TRIM29: variants seen among roughly 807,000 people sequenced by gnomAD.
The protein encoded by TRIM29 is tripartite motif-containing protein 29.
In TRIM29, 52 loss-of-function variants were observed where a neutral mutation model predicts 57.3. The observed-to-expected ratio is 0.91, with a 90% CI of 0.73 to 1.14. The LOEUF (loss-of-function observed/expected upper bound fraction) is 1.14, where lower values mean the gene tolerates loss of function less well. Among genes scored for constraint, TRIM29 ranks in the 50% most tolerant of loss-of-function variants. TRIM29 has a pLI of 0.00. For synonymous variants in TRIM29, 319 were observed against 316.9 expected (o/e 1.01, Z -0.07); for missense variants, 753 against 774.6 (o/e 0.97, Z 0.33).
At chr11:120,118,129 G>A in intron 7 of TRIM29, 94 bp downstream of exon 7, 1 of 1,148,608 alleles carries the variant, frequency 8.7e-7, no homozygotes, top group South Asian at 1.3e-5. Flanking sequence ...CGAGGTGAGG[G>A]AGGAACTAGC....
chr11:120,125,974 G>C (rs921451049), intron 3 of TRIM29, 85 bp from the exon 4 acceptor site: 2 of 1,357,134 alleles, frequency 1.5e-6, no homozygotes. Context: ...TCACAGTGCA[G>C]CTGGGGGTCT....
intron 5 of TRIM29, among the ~76,000 whole-genome samples, chr11:120,122,414 C>G (rs929304075): frequency 3.3e-5 from 5 of 152,156 alleles, no homozygotes; most frequent in Non-Finnish European, 7.4e-5. Context: ...TAGGCCGGCA[C>G]CTTGCAGGCT....
chr11:120,115,552 ACG>A, intron 7 of TRIM29, 138 bp from the exon 8 acceptor site: 1 of 730,770 alleles, frequency 1.4e-6, no homozygotes, highest in Non-Finnish European at 2.2e-6. Context: ...CCGTCTGAAC[ACG>A]CGTGCAGCAG....
In TRIM29 at chr11:120,123,010, C is replaced by G. The variant is rs1258446902; in HGVS notation, c.1379G>C (p.Gly460Ala). ...YVNNYTNSFG[G>A]EWSAPDTMKR... is the part of the protein sequence containing the mutation. ...CATGGTGTCCGGTGCACTCCACTCA[C>G]CCCCGAAGCTGTTCGTGTAGTTGTT... The change falls in exon 5 of 9, where the codon GGT (glycine) becomes GCT (alanine). Residue 460 changes from glycine to alanine, a missense_variant. By Grantham distance (60) the Gly-to-Ala change is moderately conservative (BLOSUM62 0). Coordinates refer to ENST00000341846, the MANE Select transcript of TRIM29 (RefSeq NM_012101.4). 1.9e-6 allele frequency: 3 copies of G among 1,613,988 alleles called. No individual in the cohort carries two copies. The highest frequency in any genetic ancestry group is 1.7e-6 in the Non-Finnish European group (2 of 1,180,012).
intron 3 of TRIM29, 106 bp downstream of exon 3, chr11:120,127,230 C>T (rs527302075): frequency 4.7e-5 from 44 of 935,928 alleles, no homozygotes; most frequent in African/African-American, 2.9e-4. Flanking sequence ...AACAGATAGA[C>T]GAATAGGTGG....
intron 7 of TRIM29, chr11:120,117,709 C>T (rs117616151): frequency 0.014 from 2,386 of 164,990 alleles, 104 homozygotes; most frequent in East Asian, 0.14. Flanking sequence ...CTGGGAGCAC[C>T]ACAGGCAGGC....
At chr11:120,119,595 C>T (rs1434015835) in intron 6 of TRIM29, among the ~76,000 whole-genome samples, 1 of 152,218 alleles carries the variant, frequency 6.6e-6, no homozygotes, top group Non-Finnish European at 1.5e-5. Flanking sequence ...GCGAACAGGA[C>T]AGACACAGCT....
chr11:120,126,581 G>A (rs1408074666), intron 3 of TRIM29, among the ~76,000 whole-genome samples: 1 of 152,096 alleles, frequency 6.6e-6, no homozygotes, highest in African/African-American at 2.4e-5. Context: ...CATGCTCAGT[G>A]CTGCCTTTGC....
rs937282087 is a variant in TRIM29 at position 120,123,015 on chromosome 11, G to A, written c.1374C>T (p.Phe458=). 9 of 1,614,078 alleles carry A rather than the reference G, an allele frequency of 5.6e-6. No homozygotes were observed. Among genetic ancestry groups the A allele is most frequent in the African/African-American group, 2.7e-5 (2 of 75,002 alleles). The change falls in exon 5 of 9, where the codon TTC becomes TTT. Residue 458 remains phenylalanine (F), a synonymous_variant. Transcript: ENST00000341846. ...TGTCCGGTGCACTCCACTCACCCCC[G>A]AAGCTGTTCGTGTAGTTGTTCACAT... ...HRYVNNYTNS[F]GGEWSAPDTM...
In TRIM29 at chr11:120,137,683, G is replaced by A; in HGVS notation, c.349C>T (p.Pro117Ser). ...AGLQLGAAKK[P>S]PVTFAEKGEL... is the part of the protein sequence containing the mutation. ...CCCTTTTCGGCAAAGGTAACGGGTG[G>A]CTTCTTGGCAGCCCCCAGCTGGAGC... Residue 117 changes from proline (P) to serine (S), a missense_variant, in exon 1 of 9, where the codon CCA (proline) becomes TCA (serine). By Grantham distance (74) the Pro-to-Ser change is moderately conservative. Coordinates refer to ENST00000341846, the MANE Select transcript of TRIM29 (RefSeq NM_012101.4). The surrounding 1 kb of genome is among the most constrained non-coding windows in gnomAD (Gnocchi z 6.2). 6.2e-7 allele frequency: 1 copy of A among 1,613,516 alleles called. No homozygotes were observed. Among genetic ancestry groups the A allele is most frequent in the Non-Finnish European group, 8.5e-7 (1 of 1,180,014 alleles).
At chr11:120,128,293 G>T (rs1565319145) in intron 2 of TRIM29, 107 bp downstream of exon 2, 2 of 859,386 alleles carry the variant, frequency 2.3e-6, no homozygotes, top group Non-Finnish European at 3.7e-6. Flanking sequence ...GAAACATATT[G>T]GGATGTCTAC....
At chr11:120,121,881 C>T (rs1863457367) in intron 5 of TRIM29, 1 of 414,722 alleles carries the variant, frequency 2.4e-6, no homozygotes, top group Non-Finnish European at 4.9e-6. Context: ...AGGGCGAGGC[C>T]AGGTAGGGGT....
At chr11:120,126,843 G>T (rs781352956) in intron 3 of TRIM29, among the ~76,000 whole-genome samples, 1 of 152,210 alleles carries the variant, frequency 6.6e-6, no homozygotes, top group Admixed American at 6.5e-5. Flanking sequence ...GCAGTTGCTT[G>T]GAGGCAGAAA....
At chr11:120,118,060 T>C (rs576332128) in intron 7 of TRIM29, 163 bp downstream of exon 7, 1 of 661,416 alleles carries the variant, frequency 1.5e-6, no homozygotes, top group South Asian at 1.8e-5. Flanking sequence ...CCTGCCCTCA[T>C]TTTCAGCAAA....
chr11:120,128,589 G>T, intron 1 of TRIM29, 94 bp from the exon 2 acceptor site: 1 of 1,502,804 alleles, frequency 6.7e-7, no homozygotes, highest in Non-Finnish European at 9.0e-7. Context: ...GGGCACACTC[G>T]CAGCCAGGGC....
intron 1 of TRIM29, among the ~76,000 whole-genome samples, chr11:120,133,945 G>A (rs1565321455): frequency 6.6e-6 from 1 of 152,138 alleles, no homozygotes; most frequent in African/African-American, 2.4e-5. Flanking sequence ...CCATGACAGT[G>A]CAGGGCCCCC....
At chr11:120,116,471 C>G (rs938864063) in intron 7 of TRIM29, 7 of 152,572 alleles carry the variant, frequency 4.6e-5, no homozygotes, top group African/African-American at 1.7e-4. Flanking sequence ...TCCTGCCCTG[C>G]TCTAAGCGAG....
intron 7 of TRIM29, 37 bp from the exon 8 acceptor site, chr11:120,115,451 G>C (rs756661530): frequency 2.8e-5 from 44 of 1,592,740 alleles, no homozygotes; most frequent in Non-Finnish European, 3.7e-5. Context: ...AGGGAGCAGC[G>C]CTGGTGGTCA....
intron 5 of TRIM29, among the ~76,000 whole-genome samples, chr11:120,122,245 C>T (rs1246232652): frequency 1.3e-5 from 2 of 151,916 alleles, no homozygotes; most frequent in African/African-American, 4.8e-5. Flanking sequence ...CCTCCCTCCT[C>T]CCCCAGCCTC....
Sources: allele counts gnomAD v4.1 joint callset (sites outside exome capture counted in the v4.1 genomes callset), GRCh38; gene constraint gnomAD v4.1.1; non-coding constraint Gnocchi (gnomAD v3.1); transcripts MANE v1.5; gene names NCBI Gene and HGNC (gene_info 2026-07-23, HGNC 2026-07-21).